The following HDAC8 variants were observed in gnomAD, a reference collection of about 807,000 sequenced individuals.
HDAC8 encodes histone deacetylase-like 1.
A neutral mutation model predicts 32.2 loss-of-function variants in HDAC8; 1 was observed. The observed-to-expected ratio is 0.03, with a 90% CI of 0.01 to 0.15. The LOEUF (loss-of-function observed/expected upper bound fraction) is 0.15, where lower values mean the gene tolerates loss of function less well. Among genes scored for constraint, HDAC8 ranks in the 10% least tolerant of loss-of-function variants. The pLI, the probability that HDAC8 is intolerant of heterozygous loss-of-function variation, is 1.00. For missense variants in HDAC8, 117 were observed against 300.0 expected (o/e 0.39, Z 4.51); for synonymous variants, 108 against 113.9 (o/e 0.95, Z 0.33).
chrX:72,528,246 T>TA (rs1436032771), intron 4 of HDAC8, among the ~76,000 whole-genome samples: 1 of 111,546 alleles, frequency 9.0e-6, no homozygotes, highest in African/African-American at 3.3e-5. Flanking sequence ...CTCAACCCCC[T>TA]AGCACAGTGC....
Position 72,572,714 on chromosome X carries a change from C to G in HDAC8, c.48G>C (p.Pro16=). Residue 16 remains proline (P), a synonymous_variant, in exon 1 of 11, where the codon CCG becomes CCC. Coordinates refer to ENST00000373573, the MANE Select transcript of HDAC8 (RefSeq NM_018486.3). ...EPADSGQSLV[P]VYIYSPEYVS... Reference sequence around the variant, plus strand: ...CATACTCGGGACTATAGATATAAACCGGGACCAGCGACTGCCCACTGTCCG... The same window carrying G: ...CATACTCGGGACTATAGATATAAACGGGGACCAGCGACTGCCCACTGTCCG... 1 of 1,197,203 alleles carries G rather than the reference C, an allele frequency of 8.4e-7. No homozygotes were observed. The highest frequency in any genetic ancestry group is 1.1e-6 in the Non-Finnish European group (1 of 887,285).
chrX:72,388,623 C>CAT (rs1174716286), intron 9 of HDAC8, among the ~76,000 whole-genome samples: 1 of 110,280 alleles, frequency 9.1e-6, no homozygotes, highest in Non-Finnish European at 1.9e-5. Context: ...CACACACACA[C>CAT]ACACACACAC....
intron 9 of HDAC8, among the ~76,000 whole-genome samples, chrX:72,414,645 A>G (rs2046286751): frequency 8.9e-6 from 1 of 112,036 alleles, no homozygotes; most frequent in Non-Finnish European, 1.9e-5. Context: ...AAAAAGAAGA[A>G]TTAAGAAGTA....
At chrX:72,352,290 A>G (rs1232254824) in intron 9 of HDAC8, among the ~76,000 whole-genome samples, 1 of 110,648 alleles carries the variant, frequency 9.0e-6, no homozygotes, top group Non-Finnish European at 1.9e-5. Context: ...CTCAAATGTC[A>G]CCTCCTTCAC....
intron 9 of HDAC8, among the ~76,000 whole-genome samples, chrX:72,377,427 C>T (rs186839614): frequency 1.8e-5 from 2 of 112,488 alleles, no homozygotes; most frequent in East Asian, 2.8e-4. Flanking sequence ...TGGTTTATCA[C>T]GTTGTCCAAA....
intron 9 of HDAC8, among the ~76,000 whole-genome samples, chrX:72,423,325 C>T (rs1272256595): frequency 1.8e-5 from 2 of 111,845 alleles, no homozygotes; most frequent in Non-Finnish European, 3.8e-5. Context: ...CTCTACCTCA[C>T]CCTTTCCTGT....
chrX:72,402,831 G>A (rs2045941255), intron 9 of HDAC8, among the ~76,000 whole-genome samples: 1 of 111,295 alleles, frequency 9.0e-6, no homozygotes, highest in Admixed American at 9.6e-5. Context: ...GGGCTCTGTT[G>A]TGAGGTGCAT....
At chrX:72,453,544 G>T (rs781791151) in intron 9 of HDAC8, among the ~76,000 whole-genome samples, 2 of 106,937 alleles carry the variant, frequency 1.9e-5, no homozygotes, top group East Asian at 5.8e-4. Context: ...AAGTAAAAAG[G>T]TCACAGTGAA....
intron 10 of HDAC8, among the ~76,000 whole-genome samples, chrX:72,336,545 C>T (rs944525014): frequency 3.6e-5 from 4 of 111,521 alleles, no homozygotes; most frequent in African/African-American, 1.3e-4. Context: ...TGGTGAGGTG[C>T]CTATTAATAT....
chrX:72,439,757 G>T (rs951092842), intron 9 of HDAC8, among the ~76,000 whole-genome samples: 8 of 110,505 alleles, frequency 7.2e-5, no homozygotes, highest in African/African-American at 2.6e-4. Context: ...AGGGATCAAT[G>T]CAAAAAGAAG....
intron 9 of HDAC8, among the ~76,000 whole-genome samples, chrX:72,353,595 T>C (rs1313182628): frequency 8.9e-6 from 1 of 111,813 alleles, no homozygotes; most frequent in Admixed American, 9.5e-5. Flanking sequence ...CTTGTATTTT[T>C]AGCTAAGGAG....
At chrX:72,356,149 G>A (rs1207617666) in intron 9 of HDAC8, among the ~76,000 whole-genome samples, 1 of 111,894 alleles carries the variant, frequency 8.9e-6, no homozygotes, top group Non-Finnish European at 1.9e-5. Context: ...CTTGACAGAA[G>A]TCATGCAGCT....
chrX:72,354,683 T>A (rs1193084430), intron 9 of HDAC8, among the ~76,000 whole-genome samples: 1 of 111,754 alleles, frequency 8.9e-6, no homozygotes, highest in East Asian at 2.8e-4. Context: ...AAAAATTTTT[T>A]AAATGTCAAT....
At chrX:72,444,378 C>T (rs1369119475) in intron 9 of HDAC8, among the ~76,000 whole-genome samples, 4 of 111,570 alleles carry the variant, frequency 3.6e-5, no homozygotes, top group African/African-American at 1.3e-4. Context: ...AACACTGGTT[C>T]AATATACATA....
chrX:72,505,368 G>A (rs2049357916), intron 4 of HDAC8, among the ~76,000 whole-genome samples: 1 of 111,511 alleles, frequency 9.0e-6, no homozygotes, highest in Non-Finnish European at 1.9e-5. Flanking sequence ...GAGAAATTTT[G>A]TGTTTCAGCA....
At chrX:72,443,379 A>T (rs1183871077) in intron 9 of HDAC8, among the ~76,000 whole-genome samples, 3 of 110,892 alleles carry the variant, frequency 2.7e-5, no homozygotes, top group Non-Finnish European at 3.8e-5. Context: ...GGATTAAGAA[A>T]CTCACTCAAA....
At chrX:72,357,807 CT>C (rs782819390) in intron 9 of HDAC8, among the ~76,000 whole-genome samples, 1 of 112,045 alleles carries the variant, frequency 8.9e-6, no homozygotes, top group Non-Finnish European at 1.9e-5. Context: ...GATTTAATGC[CT>C]TTTCCTTCTT....
At chrX:72,463,438 G>A (rs1286074101) in intron 8 of HDAC8, among the ~76,000 whole-genome samples, 1 of 111,831 alleles carries the variant, frequency 8.9e-6, no homozygotes, top group East Asian at 2.8e-4. Flanking sequence ...GGCTTTTAAT[G>A]TAAAGATTAT....
chrX:72,403,465 C>A (rs1014235522), intron 9 of HDAC8, among the ~76,000 whole-genome samples: 3 of 111,589 alleles, frequency 2.7e-5, no homozygotes, highest in African/African-American at 9.8e-5. Context: ...ACATATACAT[C>A]TATATAGGTT....
Sources: allele counts gnomAD v4.1 joint callset (sites outside exome capture counted in the v4.1 genomes callset), GRCh38; gene constraint gnomAD v4.1.1; transcripts MANE v1.5; gene names NCBI Gene and HGNC (gene_info 2026-07-23, HGNC 2026-07-21).